PPP2R2C: variants seen among roughly 807,000 people sequenced by gnomAD.
PPP2R2C encodes protein phosphatase 2 regulatory subunit Bgamma.
In PPP2R2C, 10 loss-of-function variants were observed where a neutral mutation model predicts 45.3. That is an observed-to-expected ratio of 0.22 (90% confidence interval 0.14 to 0.37). PPP2R2C has a LOEUF of 0.37. PPP2R2C is among the 10% of genes least tolerant of loss of function. The probability of loss-of-function intolerance (pLI) is 1.00; values close to 1 mark genes in which losing one functional copy is unlikely to be tolerated. For missense variants in PPP2R2C, 308 were observed against 619.7 expected (o/e 0.50, Z 5.34); for synonymous variants, 257 against 245.4 (o/e 1.05, Z -0.44).
chr4:6,365,941 C>T (rs561347418), intron 5 of PPP2R2C, among the ~76,000 whole-genome samples: 7 of 152,320 alleles, frequency 4.6e-5, no homozygotes, highest in African/African-American at 1.7e-4. Flanking sequence ...TAAGATGCAT[C>T]AGACTCAAGA....
chr4:6,387,412 T>G (rs4618386), intron 1 of PPP2R2C, among the ~76,000 whole-genome samples: 11,871 of 152,268 alleles, frequency 0.078, 602 homozygotes, highest in South Asian at 0.14. Context: ...GACTGCTGAC[T>G]TGTCAGCAGA....
chr4:6,515,622 G>A (rs756703242), intron 2 of PPP2R2C, among the ~76,000 whole-genome samples: 10 of 152,194 alleles, frequency 6.6e-5, no homozygotes, highest in Non-Finnish European at 8.8e-5. Context: ...ATAAACACAC[G>A]AGAAATTTTA....
rs943732585 is a variant in PPP2R2C, at chr4:6,331,850, C to T, written c.960+1712G>A. On this transcript the variant is annotated intron_variant, in intron 7 of 8. Transcript: ENST00000382599. This position sits in a 1 kb window ranked among gnomAD's most constrained non-coding sequence, Gnocchi z 5.9. ...CCCTGTTGTGGGAGAAAAATAGCCC[C>T]GATTTGTTAAGCACCGCACACCAGC... Among the ~76,000 whole-genome samples the T allele has an allele frequency of 7.2e-5, 11 of 152,144 alleles. 1 individual carries two copies. The highest frequency in any genetic ancestry group is 6.3e-3 in the Middle Eastern group (2 of 316).
At chr4:6,349,983 A>G (rs1035567210) in intron 5 of PPP2R2C, 2 of 985,406 alleles carry the variant, frequency 2.0e-6, no homozygotes, top group Non-Finnish European at 2.4e-6. Flanking sequence ...GCAGTCAGAA[A>G]GCACCTAAAA....
At chr4:6,382,298 G>A (rs1039457914) in intron 1 of PPP2R2C, 1 of 1,278,240 alleles carries the variant, frequency 7.8e-7, no homozygotes, top group Non-Finnish European at 1.0e-6. Context: ...CCTGGATTCT[G>A]TAGTCTCCAA....
At chr4:6,435,516 ATC>A (rs1484954511) in intron 1 of PPP2R2C, among the ~76,000 whole-genome samples, 1 of 152,088 alleles carries the variant, frequency 6.6e-6, no homozygotes, top group Non-Finnish European at 1.5e-5. Context: ...CATATTTTTC[ATC>A]TGTTACTTTC....
exon 2 of PPP2R2C, chr4:6,535,340 C>T (rs939000996): frequency 6.5e-7 from 1 of 1,534,256 alleles, no homozygotes; most frequent in African/African-American, 1.4e-5. Context: ...GTGACTAACA[C>T]AGGTCATTTC....
At chr4:6,508,179 A>C (rs1723299792) in intron 2 of PPP2R2C, among the ~76,000 whole-genome samples, 1 of 152,226 alleles carries the variant, frequency 6.6e-6, no homozygotes, top group East Asian at 1.9e-4. Context: ...CCTGCCCCAA[A>C]TGAGGAATGT....
chr4:6,347,824 A>G, intron 6 of PPP2R2C, 22 bp downstream of exon 6: 16 of 485,280 alleles, frequency 3.3e-5, no homozygotes, highest in Middle Eastern at 3.7e-4. Context: ...ACAGCCCCCC[A>G]CCCCCAGGCA....
chr4:6,542,709 A>AAAAAGAAAAAG lies in PPP2R2C; in HGVS notation c.-58-7333_-58-7332insCTTTTTCTTTT, dbSNP rs1553908404. ...CAGAGCAAGACTCTGTCTCAAAAAA[A>AAAAAGAAAAAG]AAAAAGAAAAAGAAAAAAAGATCAT... is the stretch of plus-strand genomic sequence containing the variant. On this transcript the variant is annotated intron_variant, in intron 1 of 9. Transcript: ENST00000506140. 5.9e-3 allele frequency among the ~76,000 whole-genome samples: 749 copies of AAAAAGAAAAAG among 127,834 alleles called. 21 individuals are homozygous for AAAAAGAAAAAG. The highest frequency in any genetic ancestry group is 0.02 in the African/African-American group (705 of 35,156). 83.9% of individuals were successfully genotyped at this position (127,834 alleles called of 152,430 possible).
intron 1 of PPP2R2C, among the ~76,000 whole-genome samples, chr4:6,558,422 C>T (rs558893132): frequency 1.3e-5 from 2 of 152,280 alleles, no homozygotes; most frequent in African/African-American, 4.8e-5. Flanking sequence ...TTACAAAGAG[C>T]CCTCTTCTCT....
chr4:6,323,017 T>C lies in PPP2R2C; in HGVS notation c.*285A>G, dbSNP rs148843324. On this transcript the variant is annotated 3_prime_UTR_variant, in exon 9 of 9. Coordinates refer to ENST00000382599, the MANE Select transcript of PPP2R2C (RefSeq NM_020416.4). ...GGAAGGGACGTGAATGAAAGAACCCTGAACTGTAAGACTCCACAGTCATGT... is the reference window on the plus strand; with the variant it reads ...GGAAGGGACGTGAATGAAAGAACCCCGAACTGTAAGACTCCACAGTCATGT... 5 of 321,820 alleles carry C rather than the reference T, an allele frequency of 1.6e-5. No homozygotes were observed. Among genetic ancestry groups the C allele is most frequent in the South Asian group, 9.8e-5 (1 of 10,250 alleles). 19.9% of individuals were successfully genotyped at this position (321,820 alleles called of 1,614,324 possible).
chr4:6,351,004 C>G, intron 5 of PPP2R2C: 1 of 985,350 alleles, frequency 1.0e-6, no homozygotes. Flanking sequence ...TGTTTCAGAA[C>G]TTTTCAAAGT....
chr4:6,507,809 C>T (rs1211921471), intron 2 of PPP2R2C, among the ~76,000 whole-genome samples: 1 of 152,256 alleles, frequency 6.6e-6, no homozygotes, highest in East Asian at 1.9e-4. Context: ...AAACCAGTCT[C>T]CTTCAAGATC....
At chr4:6,465,654 T>TA (rs11430416) in intron 1 of PPP2R2C, among the ~76,000 whole-genome samples, 215 of 147,744 alleles carry the variant, frequency 1.5e-3, no homozygotes, top group African/African-American at 2.9e-3. Context: ...AATTCAAATT[T>TA]AAAAAAAAAA....
rs887545401 is a variant in PPP2R2C at position 6,329,075 on chromosome 4, C to T, written c.1052+187G>A. Reference sequence around the variant, plus strand: ...TGACAGAAGATGAAGAATTTCATGTCCTGCCCCTTGAATCTGAGCGCTGAG... The same window carrying T: ...TGACAGAAGATGAAGAATTTCATGTTCTGCCCCTTGAATCTGAGCGCTGAG... On this transcript the variant is annotated intron_variant, in intron 8 of 8. Transcript: ENST00000382599. The surrounding 1 kb of genome is among the most constrained non-coding windows in gnomAD (Gnocchi z 5.8). Among the ~76,000 whole-genome samples, 6 of 152,206 alleles carry T rather than the reference C, an allele frequency of 3.9e-5. No individual in the cohort carries two copies. Among genetic ancestry groups the T allele is most frequent in the Non-Finnish European group, 8.8e-5 (6 of 68,030 alleles).
At chr4:6,327,995 C>T (rs1732096522) in intron 8 of PPP2R2C, among the ~76,000 whole-genome samples, 1 of 152,300 alleles carries the variant, frequency 6.6e-6, no homozygotes, top group South Asian at 2.1e-4. Context: ...ATCCCACACA[C>T]CAACCCTGAT....
chr4:6,388,268 A>G (rs993803505), intron 1 of PPP2R2C, among the ~76,000 whole-genome samples: 6 of 152,170 alleles, frequency 3.9e-5, no homozygotes, highest in Admixed American at 3.9e-4. Flanking sequence ...AGGCCTACCA[A>G]TGGGTGCCCA....
chr4:6,422,263 G>T (rs1458629053), intron 1 of PPP2R2C, among the ~76,000 whole-genome samples: 2 of 152,180 alleles, frequency 1.3e-5, no homozygotes, highest in African/African-American at 4.8e-5. Flanking sequence ...CGCCACTTGC[G>T]TGAGACCAAG....
Sources: gnomAD v4.1 joint callset for allele counts (sites outside exome capture counted in the v4.1 genomes callset) on GRCh38, gnomAD v4.1.1 for gene constraint, Gnocchi (gnomAD v3.1) non-coding constraint, MANE v1.5 for transcripts, NCBI Gene and HGNC (gene_info 2026-07-23, HGNC 2026-07-21) for gene names.